COMMD10: variants seen among roughly 807,000 people sequenced by gnomAD.
COMMD10 encodes COMM domain containing 10.
COMMD10 carries 33 observed loss-of-function variants against 28.9 expected under a neutral mutation model. The observed-to-expected ratio is 1.14, with a 90% CI of 0.87 to 1.53. The LOEUF (loss-of-function observed/expected upper bound fraction) is 1.53, where lower values mean the gene tolerates loss of function less well. Among genes scored for constraint, COMMD10 ranks in the 40% most tolerant of loss-of-function variants. COMMD10 has a pLI of 0.00. For synonymous variants in COMMD10, 110 were observed against 81.7 expected (o/e 1.35, Z -1.87); for missense variants, 310 against 233.4 (o/e 1.33, Z -2.14).
In COMMD10 at chr5:116,089,398, A is replaced by T. The variant is rs1377321946; in HGVS notation, c.133-1681A>T. On this transcript the variant is annotated intron_variant, in intron 2 of 6. Transcript: ENST00000274458. Reference sequence around the variant, plus strand: ...GGAAAGAGTATGGAACATTTCATAAATTGGCCCAAAAGTGAATGATGTGGG... The same window carrying T: ...GGAAAGAGTATGGAACATTTCATAATTTGGCCCAAAAGTGAATGATGTGGG... Among the ~76,000 whole-genome samples the T allele has an allele frequency of 2.0e-5, 3 of 152,226 alleles. No individual in the cohort carries two copies. In the East Asian group the frequency reaches 5.8e-4, roughly 29 times the overall value.
At chr5:116,261,833 C>A (rs971367935) in intron 5 of COMMD10, among the ~76,000 whole-genome samples, 2 of 151,738 alleles carry the variant, frequency 1.3e-5, no homozygotes, top group South Asian at 4.1e-4. Context: ...TCTCTTCAAC[C>A]TTTGGTTCCA....
intron 5 of COMMD10, among the ~76,000 whole-genome samples, chr5:116,266,134 C>A (rs898838678): frequency 5.9e-5 from 9 of 151,694 alleles, no homozygotes; most frequent in Middle Eastern, 3.4e-3. Context: ...AGAGGAAGAC[C>A]TTCTCCTTAA....
At chr5:116,241,713 C>T (rs965635022) in intron 5 of COMMD10, among the ~76,000 whole-genome samples, 3 of 151,986 alleles carry the variant, frequency 2.0e-5, no homozygotes, top group South Asian at 2.1e-4. Flanking sequence ...CCCGGGTTCT[C>T]GCCATTCTTC....
At chr5:116,253,724 TC>T (rs1480666558) in intron 5 of COMMD10, among the ~76,000 whole-genome samples, 1 of 149,376 alleles carries the variant, frequency 6.7e-6, no homozygotes, top group Non-Finnish European at 1.5e-5. Flanking sequence ...GATTTTTGCA[TC>T]AATGTTCATC....
chr5:116,194,445 A>T (rs1014569054), intron 5 of COMMD10, among the ~76,000 whole-genome samples: 1 of 152,210 alleles, frequency 6.6e-6, no homozygotes, highest in Non-Finnish European at 1.5e-5. Context: ...AAAAGAAGGG[A>T]GAAAATCCAA....
intron 5 of COMMD10, among the ~76,000 whole-genome samples, chr5:116,226,831 C>T (rs529812709): frequency 1.3e-5 from 2 of 152,200 alleles, no homozygotes; most frequent in East Asian, 1.9e-4. Flanking sequence ...AAGGATATTC[C>T]TATTTTCTGT....
intron 4 of COMMD10, among the ~76,000 whole-genome samples, chr5:116,127,068 CA>C (rs1751676894): frequency 6.6e-6 from 1 of 152,158 alleles, no homozygotes; most frequent in Non-Finnish European, 1.5e-5. Context: ...AGAACTTGAA[CA>C]AATTTACAAG....
chr5:116,213,031 G>A (rs927193395), intron 5 of COMMD10, among the ~76,000 whole-genome samples: 2 of 151,912 alleles, frequency 1.3e-5, no homozygotes, highest in African/African-American at 2.4e-5. Context: ...GATTTAATAA[G>A]TATGTTAATG....
chr5:116,112,871 T>C lies in COMMD10; in HGVS notation c.399+20171T>C, dbSNP rs1244311926. On this transcript the variant is annotated intron_variant, in intron 4 of 6. Transcript: ENST00000274458. ...TTTATGGTTTGTTGGAATTCTGTAA[T>C]GGTTTCATTTGATTCTTCTTCTTTG... Among the ~76,000 whole-genome samples, 6 of 152,210 alleles carry C rather than the reference T, an allele frequency of 3.9e-5. No homozygotes were observed. The South Asian group carries it at 1.0e-3, about 26-fold the overall frequency.
chr5:116,169,189 A>G (rs1015845716), intron 5 of COMMD10, among the ~76,000 whole-genome samples: 2 of 152,204 alleles, frequency 1.3e-5, no homozygotes, highest in African/African-American at 2.4e-5. Context: ...CCACAGAAAT[A>G]CAAACTACCA....
At chr5:116,104,000 T>G (rs146496565) in intron 4 of COMMD10, among the ~76,000 whole-genome samples, 2,954 of 152,268 alleles carry the variant, frequency 0.019, 87 homozygotes, top group African/African-American at 0.062. Context: ...TATGTTCCAT[T>G]GGTCTATATG....
rs1235634236 is a variant in COMMD10, at chr5:116,288,228, G to GT, written c.511-3284dup. Among the ~76,000 whole-genome samples, 2 of 151,536 alleles carry GT rather than the reference G, an allele frequency of 1.3e-5. 1 individual carries two copies. The highest frequency in any genetic ancestry group is 4.9e-5 in the African/African-American group (2 of 41,074). Reference sequence around the variant, plus strand: ...AGTATTCCTGATTAATAGTTTTTTTGTTTTTGTTTTTGTTTCCTTTCAGCA... The same window carrying GT: ...AGTATTCCTGATTAATAGTTTTTTTGTTTTTTGTTTTTGTTTCCTTTCAGCA... On this transcript the variant is annotated intron_variant, in intron 5 of 6. Coordinates refer to ENST00000274458, the MANE Select transcript of COMMD10 (RefSeq NM_016144.4).
rs193115472 is a variant in COMMD10 at position 116,269,376 on chromosome 5, A to T, written c.511-22141A>T. On this transcript the variant is annotated intron_variant, in intron 5 of 6. Transcript: ENST00000274458. ...AACCTGTGATTTCCTGCCCCAATTT[A>T]TGAACCAAGTTATACTGAGATCGTT... Among the ~76,000 whole-genome samples, 68 of 152,012 alleles carry T rather than the reference A, an allele frequency of 4.5e-4. No homozygotes were observed. In the East Asian group the frequency reaches 9.3e-3, roughly 21 times the overall value.
At chr5:116,141,757 A>G (rs1320260351) in intron 5 of COMMD10, among the ~76,000 whole-genome samples, 1 of 151,752 alleles carries the variant, frequency 6.6e-6, no homozygotes, top group Admixed American at 6.6e-5. Context: ...ATTTCTTTTT[A>G]AGCTAGGTCA....
Position 116,240,653 on chromosome 5 carries a change from A to G in COMMD10, c.511-50864A>G, listed in dbSNP as rs117470479. Among the ~76,000 whole-genome samples, 13 of 152,294 alleles carry G rather than the reference A, an allele frequency of 8.5e-5. No homozygotes were observed. The East Asian group carries it at 1.9e-3, about 23-fold the overall frequency. On this transcript the variant is annotated intron_variant, in intron 5 of 6. Coordinates refer to ENST00000274458, the MANE Select transcript of COMMD10 (RefSeq NM_016144.4). ...AGAGTTTCTCCTGCTTCGGTATCCT[A>G]GGCAAGAAATCAGGAGAAAGGAATG...
At chr5:116,208,951 CT>C (rs1748886256) in intron 5 of COMMD10, among the ~76,000 whole-genome samples, 2 of 152,050 alleles carry the variant, frequency 1.3e-5, no homozygotes, top group Admixed American at 6.6e-5. Flanking sequence ...TTGGGAAAAT[CT>C]TTTGTTGTGA....
chr5:116,213,987 C>T (rs1437609157), intron 5 of COMMD10, among the ~76,000 whole-genome samples: 1 of 151,938 alleles, frequency 6.6e-6, no homozygotes, highest in African/African-American at 2.4e-5. Context: ...TTTAGAAATC[C>T]TGCTTTTATG....
At chr5:116,133,980 A>G in intron 4 of COMMD10, 88 bp from the exon 5 acceptor site, 1 of 780,072 alleles carries the variant, frequency 1.3e-6, no homozygotes, top group East Asian at 2.5e-5. Context: ...CTATCCATAT[A>G]CATTCCTGCT....
At chr5:116,148,087 C>T (rs1421065550) in intron 5 of COMMD10, among the ~76,000 whole-genome samples, 2 of 151,680 alleles carry the variant, frequency 1.3e-5, no homozygotes, top group Non-Finnish European at 2.9e-5. Flanking sequence ...AGTACATTTG[C>T]CTTTAAAGCC....
Sources: allele counts gnomAD v4.1 joint callset (sites outside exome capture counted in the v4.1 genomes callset), GRCh38; gene constraint gnomAD v4.1.1; transcripts MANE v1.5; gene names NCBI Gene and HGNC (gene_info 2026-07-23, HGNC 2026-07-21).